Variants in GUCY1B1 observed in about 807,000 individuals in gnomAD.
GUCY1B1 encodes guanylate cyclase 1 soluble subunit beta 1.
A neutral mutation model predicts 71.0 loss-of-function variants in GUCY1B1; 43 were observed. The ratio of observed to expected loss-of-function variants is 0.61; its 90% CI spans 0.47 to 0.78. GUCY1B1 has a LOEUF of 0.78. Among genes scored for constraint, GUCY1B1 ranks in the 30% least tolerant of loss-of-function variants. GUCY1B1 has a pLI of 0.00. For synonymous variants in GUCY1B1, 266 were observed against 259.7 expected, an observed-to-expected ratio of 1.02 and a Z score of -0.23; for missense variants, 535 against 754.1, an observed-to-expected ratio of 0.71 and a Z score of 3.40.
At chr4:155,768,889 C>T (rs977779267) in intron 2 of GUCY1B1, among the ~76,000 whole-genome samples, 1 of 152,082 alleles carries the variant, frequency 6.6e-6, no homozygotes, top group South Asian at 2.1e-4. Context: ...CCCTTAGGGG[C>T]AACAGAGCTT....
intron 4 of GUCY1B1, among the ~76,000 whole-genome samples, chr4:155,784,190 T>C (rs928105041): frequency 1.3e-5 from 2 of 152,170 alleles, no homozygotes; most frequent in Non-Finnish European, 2.9e-5. Flanking sequence ...TTTTAGTGAC[T>C]CTGGTACAGT....
chr4:155,794,880 A>G (rs1331577831), intron 6 of GUCY1B1, among the ~76,000 whole-genome samples: 1 of 152,146 alleles, frequency 6.6e-6, no homozygotes, highest in Non-Finnish European at 1.5e-5. Context: ...AGCATATGAA[A>G]AATACTTAGT....
rs1740413141 is a variant in GUCY1B1 at position 155,807,803 on chromosome 4, A to T, written c.*1394A>T. 6.6e-6 allele frequency among the ~76,000 whole-genome samples: 1 copy of T among 152,136 alleles called. No homozygotes were observed. The highest frequency in any genetic ancestry group is 1.5e-5 in the Non-Finnish European group (1 of 68,022). ...TAAAGACTGGGCATGGAAAGGGGAA[A>T]CAGTTAAATATTGAATGTCATCAGC... On this transcript the variant is annotated 3_prime_UTR_variant, in exon 14 of 14. Transcript: ENST00000264424.
rs996212371 is a variant in GUCY1B1, at chr4:155,803,705, C to T, written c.1495C>T (p.Leu499=). 9.4e-6 allele frequency: 15 copies of T among 1,603,048 alleles called. No individual in the cohort carries two copies. Among genetic ancestry groups the T allele is most frequent in the Non-Finnish European group, 1.2e-5 (14 of 1,174,408 alleles). ...TCACCATGCACGATCCATCTGCCAC[C>T]TGGCCTTGGACATGATGGAAATTGC... The part of the protein sequence containing the change: ...CIHHARSICH[L]ALDMMEIAGQ... Residue 499 remains leucine, a synonymous_variant, in exon 11 of 14, where the codon CTG becomes TTG. Coordinates refer to ENST00000264424, the MANE Select transcript of GUCY1B1 (RefSeq NM_000857.5).
chr4:155,804,791 G>A, intron 12 of GUCY1B1, 44 bp downstream of exon 12: 1 of 1,520,218 alleles, frequency 6.6e-7, no homozygotes, highest in Non-Finnish European at 9.0e-7. Flanking sequence ...CAAAGAAAAT[G>A]TGTCTTTGCA....
At chr4:155,788,868 C>T (rs189599636) in intron 4 of GUCY1B1, among the ~76,000 whole-genome samples, 135 of 152,274 alleles carry the variant, frequency 8.9e-4, no homozygotes, top group African/African-American at 3.1e-3. Context: ...CACACACACA[C>T]ACACCCCAAC....
Position 155,779,093 on chromosome 4 carries a change from A to G in GUCY1B1, c.297+1451A>G, listed in dbSNP as rs562910650. ...TTCCAGAGCTGCTTTATCCAATAGG[A>G]CAGCCACTAGTGCATGAGGCTACTC... On this transcript the variant is annotated intron_variant, in intron 4 of 13. Coordinates refer to ENST00000264424, the MANE Select transcript of GUCY1B1 (RefSeq NM_000857.5). Among the ~76,000 whole-genome samples the G allele has an allele frequency of 1.1e-3, 160 of 151,956 alleles. 1 individual carries two copies. The highest frequency in any genetic ancestry group is 0.01 in the Middle Eastern group (3 of 294).
chr4:155,806,363 C>T (rs1471673508), intron 13 of GUCY1B1, 23 bp from the exon 14 acceptor site: 3 of 1,555,534 alleles, frequency 1.9e-6, no homozygotes, highest in Non-Finnish European at 2.7e-6. Context: ...AAATCAATCC[C>T]TCTTTTCTTC....
intron 4 of GUCY1B1, chr4:155,785,351 G>A: frequency 8.2e-7 from 1 of 1,219,560 alleles, no homozygotes; most frequent in Non-Finnish European, 1.2e-6. Context: ...CATTTTTTCA[G>A]TGTCTTTTTT....
rs769912865 is a variant in GUCY1B1, at chr4:155,805,059, C to T, written c.1710-44C>T. The T allele has an allele frequency of 1.9e-6, 3 of 1,561,230 alleles. No individual in the cohort carries two copies. In the South Asian group the frequency reaches 3.5e-5, roughly 18 times the overall value. ...GATACATGTCACCTTCTCTATAAAA[C>T]TTGTGTATACTTCTCTCTCTACTCC... On this transcript the variant is annotated intron_variant, in intron 12 of 13. Coordinates refer to ENST00000264424, the MANE Select transcript of GUCY1B1 (RefSeq NM_000857.5).
chr4:155,774,824 A>C (rs1737931536), intron 2 of GUCY1B1, 144 bp from the exon 3 acceptor site: 3 of 622,514 alleles, frequency 4.8e-6, no homozygotes, highest in African/African-American at 1.9e-5. Context: ...TTTTAGGTAC[A>C]TGATGATGTT....
intron 4 of GUCY1B1, among the ~76,000 whole-genome samples, chr4:155,783,835 T>C (rs1429623081): frequency 3.9e-5 from 6 of 152,302 alleles, no homozygotes; most frequent in South Asian, 2.1e-4. Flanking sequence ...TTTTTAACTT[T>C]GGAATTTTAA....
At chr4:155,767,160 T>C (rs1331031269) in intron 2 of GUCY1B1, among the ~76,000 whole-genome samples, 1 of 152,210 alleles carries the variant, frequency 6.6e-6, no homozygotes. Context: ...TATAACCTTC[T>C]TCTTTCCAAA....
chr4:155,777,067 T>G (rs1424866747), intron 3 of GUCY1B1, among the ~76,000 whole-genome samples: 1 of 152,212 alleles, frequency 6.6e-6, no homozygotes, highest in Non-Finnish European at 1.5e-5. Flanking sequence ...TTATGTTTCA[T>G]GTACACCTTA....
chr4:155,780,958 G>C (rs932602756), intron 4 of GUCY1B1, among the ~76,000 whole-genome samples: 8 of 152,146 alleles, frequency 5.3e-5, no homozygotes, highest in African/African-American at 1.4e-4. Flanking sequence ...TAACATGGGA[G>C]ACTATTTGAT....
At chr4:155,776,359 AT>A (rs764339835) in intron 3 of GUCY1B1, among the ~76,000 whole-genome samples, 9 of 152,292 alleles carry the variant, frequency 5.9e-5, no homozygotes, top group East Asian at 3.9e-4. Context: ...ATAAGAAGGG[AT>A]TGGTTAAATA....
At chr4:155,769,964 A>G (rs1051094289) in intron 2 of GUCY1B1, among the ~76,000 whole-genome samples, 1 of 152,186 alleles carries the variant, frequency 6.6e-6, no homozygotes, top group Non-Finnish European at 1.5e-5. Flanking sequence ...GAATGAGTCT[A>G]TAAAATTTGG....
rs142327465 is a variant in GUCY1B1 at position 155,780,113 on chromosome 4, C to T, written c.297+2471C>T. 2.6e-3 allele frequency among the ~76,000 whole-genome samples: 397 copies of T among 152,238 alleles called. 1 individual carries two copies. Among genetic ancestry groups the T allele is most frequent in the African/African-American group, 9.0e-3 (373 of 41,544 alleles). ...GAAATGCAAATGTCTCTCGTCGTAT[C>T]GTTTTCTTGCTTAAACTCTGGAGTA... is the stretch of plus-strand genomic sequence containing the variant. On this transcript the variant is annotated intron_variant, in intron 4 of 13. Transcript: ENST00000264424.
chr4:155,782,185 A>G (rs1233534817), intron 4 of GUCY1B1, among the ~76,000 whole-genome samples: 2 of 151,896 alleles, frequency 1.3e-5, no homozygotes, highest in Non-Finnish European at 2.9e-5. Context: ...ACGCCATTCT[A>G]CTGCCTCAGC....
Sources: allele counts gnomAD v4.1 joint callset (sites outside exome capture counted in the v4.1 genomes callset), GRCh38; gene constraint gnomAD v4.1.1; transcripts MANE v1.5; gene names NCBI Gene and HGNC (gene_info 2026-07-23, HGNC 2026-07-21).